The following GABRA2 variants were observed in gnomAD, a reference collection of about 807,000 sequenced individuals.
GABRA2 encodes the protein gamma-aminobutyric acid type A receptor subunit alpha2.
Under a neutral mutation model 48.7 loss-of-function variants are expected in GABRA2, and 16 were observed. That is an observed-to-expected ratio of 0.33 (90% CI 0.22 to 0.50). The LOEUF (loss-of-function observed/expected upper bound fraction) is 0.50, where lower values mean the gene tolerates loss of function less well. GABRA2 is among the 20% of genes least tolerant of loss of function. GABRA2 has a pLI of 0.98. For missense variants in GABRA2, 275 were observed against 535.6 expected, an observed-to-expected ratio of 0.51 and a Z score of 4.80; for synonymous variants, 185 against 184.5, an observed-to-expected ratio of 1.00 and a Z score of -0.02.
At chr4:46,376,708 G>A (rs1715751952) in intron 3 of GABRA2, among the ~76,000 whole-genome samples, 1 of 151,914 alleles carries the variant, frequency 6.6e-6, no homozygotes, top group Non-Finnish European at 1.5e-5. Context: ...GTGAGATCCT[G>A]TGTCTACAAA....
intron 8 of GABRA2, among the ~76,000 whole-genome samples, chr4:46,277,632 G>C (rs1426280578): frequency 2.6e-5 from 4 of 152,076 alleles, no homozygotes; most frequent in Non-Finnish European, 5.9e-5. Flanking sequence ...CTCTCTCTTT[G>C]CATTATTTTG....
chr4:46,346,113 C>T (rs1734099654), intron 3 of GABRA2, among the ~76,000 whole-genome samples: 1 of 151,840 alleles, frequency 6.6e-6, no homozygotes, highest in Non-Finnish European at 1.5e-5. Flanking sequence ...GGGATGATTC[C>T]CATAACACCT....
chr4:46,314,000 G>A (rs181543996), intron 4 of GABRA2, among the ~76,000 whole-genome samples: 2 of 152,168 alleles, frequency 1.3e-5, no homozygotes, highest in Admixed American at 1.3e-4. Flanking sequence ...AAAATCCTAG[G>A]TACTGGCATG....
intron 3 of GABRA2, among the ~76,000 whole-genome samples, chr4:46,342,534 C>T (rs573444169): frequency 7.9e-5 from 12 of 152,176 alleles, no homozygotes; most frequent in African/African-American, 2.9e-4. Flanking sequence ...CCCTCACTAA[C>T]TGCTGCCTCG....
rs1291784459 is a variant in GABRA2 at position 46,248,725 on chromosome 4, A to G, written c.*1583T>C. On this transcript the variant is annotated 3_prime_UTR_variant, in exon 10 of 10. Transcript: ENST00000381620. Reference sequence around the variant, plus strand: ...TTATGAACATACCTATTTATGCACTATACTCAAATACTGTACAAAACTGCA... The same window carrying G: ...TTATGAACATACCTATTTATGCACTGTACTCAAATACTGTACAAAACTGCA... 6.6e-6 allele frequency: 1 copy of G among 151,472 alleles called. No individual in the cohort carries two copies. Among genetic ancestry groups the G allele is most frequent in the Non-Finnish European group, 1.5e-5 (1 of 67,658 alleles). 9.4% of individuals were successfully genotyped at this position (151,472 alleles called of 1,614,324 possible).
intron 8 of GABRA2, among the ~76,000 whole-genome samples, chr4:46,282,970 C>G (rs554076451): frequency 6.6e-5 from 10 of 152,208 alleles, no homozygotes; most frequent in African/African-American, 2.4e-4. Flanking sequence ...AGAAACTTGC[C>G]AGACGCCACA....
intron 9 of GABRA2, among the ~76,000 whole-genome samples, chr4:46,252,158 ACC>A (rs1714899317): frequency 6.6e-6 from 1 of 151,378 alleles, no homozygotes; most frequent in African/African-American, 2.4e-5. Context: ...GTCATGGATT[ACC>A]CATCTTTCAC....
At chr4:46,360,506 C>G (rs1325130993) in intron 3 of GABRA2, among the ~76,000 whole-genome samples, 1 of 152,212 alleles carries the variant, frequency 6.6e-6, no homozygotes, top group Admixed American at 6.5e-5. Flanking sequence ...GTGAGGCTTT[C>G]CCAGCCATGG....
At chr4:46,339,928 GT>G (rs1413577875) in intron 3 of GABRA2, among the ~76,000 whole-genome samples, 1 of 151,640 alleles carries the variant, frequency 6.6e-6, no homozygotes, top group African/African-American at 2.4e-5. Context: ...ATCTAGTAGA[GT>G]TTTTAAACTT....
chr4:46,376,655 A>G (rs1039242490), intron 3 of GABRA2, among the ~76,000 whole-genome samples: 1 of 152,110 alleles, frequency 6.6e-6, no homozygotes, highest in Non-Finnish European at 1.5e-5. Flanking sequence ...GGGAGGCCAA[A>G]GTGGGAGGAT....
intron 8 of GABRA2, among the ~76,000 whole-genome samples, chr4:46,297,970 C>A (rs942738801): frequency 1.3e-5 from 2 of 151,998 alleles, no homozygotes; most frequent in Admixed American, 6.6e-5. Flanking sequence ...TATAATTTCC[C>A]ATGTGATTTA....
At chr4:46,375,169 G>C (rs913360542) in intron 3 of GABRA2, among the ~76,000 whole-genome samples, 34 of 152,036 alleles carry the variant, frequency 2.2e-4, no homozygotes, top group African/African-American at 8.0e-4. Flanking sequence ...AATTTGAAGG[G>C]ATCTGTATCT....
At chr4:46,388,753 T>C in intron 1 of GABRA2, 37 bp from the exon 2 acceptor site, 2 of 1,612,564 alleles carry the variant, frequency 1.2e-6, no homozygotes, top group Non-Finnish European at 1.7e-6. Flanking sequence ...AAAATACACT[T>C]AAAATTGCCT....
Position 46,250,281 on chromosome 4 carries a change from C to T in GABRA2, c.*27G>A, listed in dbSNP as rs201758694. 33 of 1,582,780 alleles carry T rather than the reference C, an allele frequency of 2.1e-5. No homozygotes were observed. Among genetic ancestry groups the T allele is most frequent in the Middle Eastern group, 1.7e-4 (1 of 5,880 alleles). Reference sequence around the variant, plus strand: ...ACAAACCAAATTTAATGTTGCTATACATCCCAAAGATAACATGGGTCTCAA... The same window carrying T: ...ACAAACCAAATTTAATGTTGCTATATATCCCAAAGATAACATGGGTCTCAA... On this transcript the variant is annotated 3_prime_UTR_variant, in exon 10 of 10. Transcript: ENST00000381620.
At chr4:46,362,977 T>A (rs138046097) in intron 3 of GABRA2, among the ~76,000 whole-genome samples, 1 of 152,318 alleles carries the variant, frequency 6.6e-6, no homozygotes, top group East Asian at 1.9e-4. Context: ...ATAGTAAATA[T>A]AATTCAAATC....
intron 8 of GABRA2, among the ~76,000 whole-genome samples, chr4:46,290,632 G>A (rs1220988975): frequency 2.0e-5 from 3 of 151,926 alleles, no homozygotes; most frequent in East Asian, 3.9e-4. Context: ...CTACAATATC[G>A]TTAAAATTGT....
chr4:46,269,655 G>A (rs576827717), intron 8 of GABRA2, among the ~76,000 whole-genome samples: 1 of 151,944 alleles, frequency 6.6e-6, no homozygotes, highest in South Asian at 2.1e-4. Flanking sequence ...TCATTTTGGG[G>A]AAGAATGTGG....
chr4:46,317,543 T>A (rs1322742633), intron 4 of GABRA2, among the ~76,000 whole-genome samples: 1 of 151,804 alleles, frequency 6.6e-6, no homozygotes, highest in African/African-American at 2.4e-5. Flanking sequence ...TGAATGCATT[T>A]GTCATCAGTG....
At chr4:46,370,527 A>G (rs924520166) in intron 3 of GABRA2, among the ~76,000 whole-genome samples, 7 of 152,170 alleles carry the variant, frequency 4.6e-5, no homozygotes, top group Non-Finnish European at 8.8e-5. Context: ...CATGCCATGT[A>G]TAAAGAATGT....
Sources: allele counts gnomAD v4.1 joint callset (sites outside exome capture counted in the v4.1 genomes callset), GRCh38; gene constraint gnomAD v4.1.1; transcripts MANE v1.5; gene names NCBI Gene and HGNC (gene_info 2026-07-23, HGNC 2026-07-21).